Variants in CCDC170 observed in about 807,000 individuals in gnomAD.
CCDC170 encodes the protein coiled-coil domain containing 170.
Under a neutral mutation model 72.6 loss-of-function variants are expected in CCDC170, and 69 were observed. That is an observed-to-expected ratio of 0.95 (90% CI 0.78 to 1.16). The LOEUF is 1.16. Ranked by LOEUF, CCDC170 falls within the 50% of genes most tolerant of loss-of-function variation. CCDC170 has a pLI of 0.00. For synonymous variants in CCDC170, 300 were observed against 303.9 expected, an observed-to-expected ratio of 0.99 and a Z score of 0.13; for missense variants, 852 against 832.5, an observed-to-expected ratio of 1.02 and a Z score of -0.29.
intron 1 of CCDC170, among the ~76,000 whole-genome samples, chr6:151,515,422 AC>A (rs1286041505): frequency 6.6e-6 from 1 of 152,198 alleles, no homozygotes; most frequent in Non-Finnish European, 1.5e-5. Context: ...AACTGGGACT[AC>A]AGGTGCACAT....
At chr6:151,525,272 G>A (rs983198983) in intron 1 of CCDC170, among the ~76,000 whole-genome samples, 2 of 152,208 alleles carry the variant, frequency 1.3e-5, no homozygotes, top group African/African-American at 4.8e-5. Flanking sequence ...TTCCATTTAT[G>A]AATGTACTAT....
chr6:151,607,890 T>C (rs990684700), intron 9 of CCDC170, among the ~76,000 whole-genome samples: 8 of 152,212 alleles, frequency 5.3e-5, no homozygotes, highest in African/African-American at 1.9e-4. Flanking sequence ...TCACAAGACT[T>C]GGGACATTTT....
chr6:151,602,374 T>G (rs1410177289), intron 9 of CCDC170, among the ~76,000 whole-genome samples: 1 of 152,326 alleles, frequency 6.6e-6, no homozygotes, highest in East Asian at 1.9e-4. Flanking sequence ...CTTAATATTA[T>G]GAAATCCATA....
rs538997518 is a variant in CCDC170, at chr6:151,498,745, G to T, written c.57+4560G>T. On this transcript the variant is annotated intron_variant, in intron 1 of 10. Transcript: ENST00000239374. ...CACGGTGTATAAGTGGAATCAGACT[G>T]TATTTCAGTATTCTAGGCACGCTGT... Among the ~76,000 whole-genome samples the T allele has an allele frequency of 1.6e-4, 24 of 152,136 alleles. No homozygotes were observed. The South Asian group carries it at 4.4e-3, about 28-fold the overall frequency.
Position 151,618,276 on chromosome 6 carries a change from A to G in CCDC170, c.*129A>G. On this transcript the variant is annotated 3_prime_UTR_variant, in exon 11 of 11. Transcript: ENST00000239374. The stretch of plus-strand genomic sequence containing the variant: ...TGCTTTGATGATATAGTGAGAATGC[A>G]TCACTTGCAAAAACGATCTCAAAAG... 1.3e-6 allele frequency: 1 copy of G among 783,886 alleles called. No homozygotes were observed. 48.6% of individuals were successfully genotyped at this position (783,886 alleles called of 1,614,324 possible). A position where few individuals can be genotyped will look rare whatever the true frequency, so the allele number is the denominator to read the frequency against.
rs143524715 is a variant in CCDC170, at chr6:151,542,414, G to A, written c.444-2158G>A. Among the ~76,000 whole-genome samples, 130 of 152,042 alleles carry A rather than the reference G, an allele frequency of 8.6e-4. 2 individuals carry two copies. In the East Asian group the frequency reaches 0.011, roughly 13 times the overall value. On this transcript the variant is annotated intron_variant, in intron 3 of 10. Coordinates refer to ENST00000239374, the MANE Select transcript of CCDC170 (RefSeq NM_025059.4). ...TTTTAAATTTTTTTGTAGAGATGGC[G>A]TCTTGCCATGTTGCCCAGGTTGGTC...
chr6:151,495,821 C>A (rs1043798152), intron 1 of CCDC170, among the ~76,000 whole-genome samples: 2 of 152,192 alleles, frequency 1.3e-5, no homozygotes, highest in East Asian at 3.8e-4. Flanking sequence ...TCTGTAAATA[C>A]TCTGGTGTGT....
intron 5 of CCDC170, among the ~76,000 whole-genome samples, chr6:151,548,862 G>A (rs959096632): frequency 1.3e-5 from 2 of 151,566 alleles, no homozygotes; most frequent in African/African-American, 4.8e-5. Flanking sequence ...TGGGACTACA[G>A]GCACCCACCA....
At chr6:151,532,156 C>A (rs6912538) in intron 1 of CCDC170, among the ~76,000 whole-genome samples, 50,032 of 114,234 alleles carry the variant, frequency 0.44, 11,649 homozygotes, top group East Asian at 0.75. Context: ...CCAGGAGAAT[C>A]TATTGAAAAC....
intron 9 of CCDC170, among the ~76,000 whole-genome samples, chr6:151,605,336 A>G (rs1292670106): frequency 1.3e-5 from 2 of 152,204 alleles, no homozygotes; most frequent in African/African-American, 4.8e-5. Flanking sequence ...CAAATGGGAA[A>G]TGTCGCAAAG....
chr6:151,594,177 T>C (rs1010219336), intron 8 of CCDC170, among the ~76,000 whole-genome samples: 11 of 152,354 alleles, frequency 7.2e-5, no homozygotes, highest in Middle Eastern at 3.4e-3. Flanking sequence ...TGTATTCTTA[T>C]AATAGTTCTT....
Position 151,585,981 on chromosome 6 carries a change from G to A in CCDC170, c.1185G>A (p.Gln395=). The stretch of plus-strand genomic sequence containing the variant: ...ACCAGAAAGCTCTCCAGAGGGCCCA[G>A]AAAGCAGAGAATATGTTGGAGACTC... The part of the protein sequence containing the change: ...GFHQKALQRA[Q]KAENMLETLQ... Residue 395 remains glutamine (Q), a synonymous_variant, in exon 7 of 11, where the codon CAG becomes CAA. Transcript: ENST00000239374. 6.2e-7 allele frequency: 1 copy of A among 1,614,114 alleles called. No individual in the cohort carries two copies. The highest frequency in any genetic ancestry group is 8.5e-7 in the Non-Finnish European group (1 of 1,180,006).
In CCDC170 at chr6:151,556,433, C is replaced by T. The variant is rs184353552; in HGVS notation, c.774+7944C>T. ...TTGAGCCACTGCACTCTAGCCTGGG[C>T]GACAAAGCGAGACCCTGTCTCAAAA... On this transcript the variant is annotated intron_variant, in intron 5 of 10. Transcript: ENST00000239374. 2.1e-3 allele frequency among the ~76,000 whole-genome samples: 318 copies of T among 152,172 alleles called. 5 individuals are homozygous for T. Among genetic ancestry groups the T allele is most frequent in the Non-Finnish European group, 3.5e-3 (236 of 67,992 alleles).
chr6:151,591,338 A>G lies in CCDC170; in HGVS notation c.1294-1769A>G, dbSNP rs112197015. On this transcript the variant is annotated intron_variant, in intron 7 of 10. Transcript: ENST00000239374. ...TTCATCCAGCAAGCACTTAGTAAGCATTGTCCTATGTGTGGACTTGCCAGA... is the reference window on the plus strand; with the variant it reads ...TTCATCCAGCAAGCACTTAGTAAGCGTTGTCCTATGTGTGGACTTGCCAGA... Among the ~76,000 whole-genome samples, 1,269 of 152,310 alleles carry G rather than the reference A, an allele frequency of 8.3e-3. 10 individuals carry two copies. Among genetic ancestry groups the G allele is most frequent in the Non-Finnish European group, 0.012 (843 of 68,030 alleles).
chr6:151,532,128 A>T (rs1177555081), intron 1 of CCDC170, among the ~76,000 whole-genome samples: 1 of 151,686 alleles, frequency 6.6e-6, no homozygotes, highest in African/African-American at 2.4e-5. Context: ...AATGATTTGC[A>T]TGTTTACAGT....
intron 8 of CCDC170, among the ~76,000 whole-genome samples, chr6:151,595,749 G>T (rs1206687132): frequency 6.6e-6 from 1 of 152,074 alleles, no homozygotes; most frequent in African/African-American, 2.4e-5. Flanking sequence ...AGCCTGAAAG[G>T]GAGAGGCTGC....
At chr6:151,536,773 C>CAAAAA (rs55663799) in intron 2 of CCDC170, among the ~76,000 whole-genome samples, 45 of 79,228 alleles carry the variant, frequency 5.7e-4, no homozygotes, top group African/African-American at 1.8e-3. Context: ...GACTCCATCT[C>CAAAAA]AAAAAAAAAA....
intron 7 of CCDC170, among the ~76,000 whole-genome samples, chr6:151,588,490 A>G (rs1249972371): frequency 2.0e-5 from 3 of 152,338 alleles, no homozygotes; most frequent in African/African-American, 7.2e-5. Flanking sequence ...TAGATAGTCC[A>G]GTTCAGACTA....
intron 4 of CCDC170, among the ~76,000 whole-genome samples, chr6:151,547,535 A>G (rs1236710476): frequency 6.6e-6 from 1 of 152,118 alleles, no homozygotes; most frequent in Non-Finnish European, 1.5e-5. Context: ...GAGAGGGAAC[A>G]GCATGAGTTG....
Sources: allele counts gnomAD v4.1 joint callset (sites outside exome capture counted in the v4.1 genomes callset), GRCh38; gene constraint gnomAD v4.1.1; transcripts MANE v1.5; gene names NCBI Gene and HGNC (gene_info 2026-07-23, HGNC 2026-07-21).